RSF1: variants seen among roughly 807,000 people sequenced by gnomAD.
RSF1 encodes the protein HBV pX-associated protein 8.
A neutral mutation model predicts 145.2 loss-of-function variants in RSF1; 13 were observed. That is an observed-to-expected ratio of 0.09 (90% CI 0.06 to 0.14). RSF1 has a LOEUF of 0.14. RSF1 is among the 10% of genes least tolerant of loss of function. RSF1 has a pLI of 1.00. For synonymous variants in RSF1, 577 were observed against 592.6 expected (o/e 0.97, Z 0.38); for missense variants, 1,517 against 1,718.2 (o/e 0.88, Z 2.07).
the RSF1 span, among the ~76,000 whole-genome samples, chr11:77,856,283 CT>C: frequency 2.2e-4 from 34 of 152,316 alleles, no homozygotes; most frequent in Non-Finnish European, 4.4e-4. Flanking sequence ...TCTCCGAGAC[CT>C]TCTCAGCCTG....
chr11:77,701,464 C>T lies in RSF1; in HGVS notation c.1765G>A (p.Glu589Lys). The T allele has an allele frequency of 6.2e-7, 1 of 1,614,106 alleles. No individual in the cohort carries two copies. Among genetic ancestry groups the T allele is most frequent in the Non-Finnish European group, 8.5e-7 (1 of 1,180,014 alleles). The change falls in exon 6 of 16, where the codon GAG becomes AAG. Residue 589 changes from glutamate (E) to lysine (K), a missense_variant. Glu to Lys is a moderately conservative substitution (Grantham distance 56). This residue lies in a region of RSF1 where 579 missense variants were observed against 553.5 expected (regional missense o/e 1.05). Transcript: ENST00000308488. ...PPILECLEKL[E>K]KSKKTFLDKD... ...TCAAGAAAAGTCTTTTTGGACTTCT[C>T]TAACTTTTCAAGACATTCTAGGATT...
chr11:77,691,820 T>C (rs187138849), intron 8 of RSF1: 6 of 152,286 alleles, frequency 3.9e-5, no homozygotes, highest in African/African-American at 1.2e-4. Context: ...AGCTGAAAAA[T>C]GTACTTGATA....
chr11:77,789,513 G>C (rs1412494537), intron 1 of RSF1, among the ~76,000 whole-genome samples: 1 of 152,204 alleles, frequency 6.6e-6, no homozygotes, highest in Non-Finnish European at 1.5e-5. Context: ...GCATGAGCAA[G>C]TGGCAGGCCA....
chr11:77,748,584 G>A (rs1948027980), intron 2 of RSF1, among the ~76,000 whole-genome samples: 1 of 152,072 alleles, frequency 6.6e-6, no homozygotes, highest in African/African-American at 2.4e-5. Flanking sequence ...ATTACATGAG[G>A]AAGACCCTAA....
At chr11:77,673,872 G>A (rs938041336) in intron 14 of RSF1, among the ~76,000 whole-genome samples, 1 of 151,988 alleles carries the variant, frequency 6.6e-6, no homozygotes, top group African/African-American at 2.4e-5. Flanking sequence ...CAACTAGTAT[G>A]TACTCTTTAA....
intron 1 of RSF1, among the ~76,000 whole-genome samples, chr11:77,792,665 A>T (rs1373730199): frequency 6.6e-6 from 1 of 152,108 alleles, no homozygotes; most frequent in African/African-American, 2.4e-5. Flanking sequence ...AGATTACATT[A>T]TCATATATGC....
At chr11:77,818,064 T>C (rs1028165228) in intron 1 of RSF1, among the ~76,000 whole-genome samples, 18 of 152,190 alleles carry the variant, frequency 1.2e-4, no homozygotes, top group African/African-American at 4.3e-4. Context: ...AAGATCACCT[T>C]ATGATAGGAT....
At chr11:77,759,769 T>C (rs1948153016) in intron 2 of RSF1, among the ~76,000 whole-genome samples, 1 of 152,016 alleles carries the variant, frequency 6.6e-6, no homozygotes, top group South Asian at 2.1e-4. Flanking sequence ...CAATCCTTGC[T>C]TCACCATCTG....
intron 1 of RSF1, among the ~76,000 whole-genome samples, chr11:77,772,846 T>TG (rs1489071693): frequency 5.8e-5 from 3 of 51,808 alleles, no homozygotes; most frequent in African/African-American, 7.7e-5. Context: ...TTGCCCAAGA[T>TG]GGAAAAAAAA....
intron 2 of RSF1, among the ~76,000 whole-genome samples, chr11:77,755,761 G>A (rs1463498665): frequency 1.3e-5 from 2 of 151,996 alleles, no homozygotes; most frequent in African/African-American, 2.4e-5. Context: ...TGTATTTTTA[G>A]TAGAGATGGG....
intron 5 of RSF1, among the ~76,000 whole-genome samples, chr11:77,715,730 G>A (rs927140509): frequency 6.6e-6 from 1 of 152,148 alleles, no homozygotes; most frequent in African/African-American, 2.4e-5. Context: ...TTACAGGCGT[G>A]AGCCACCACA....
intron 1 of RSF1, among the ~76,000 whole-genome samples, chr11:77,770,700 A>C (rs541945061): frequency 2.0e-5 from 3 of 152,306 alleles, no homozygotes; most frequent in African/African-American, 7.2e-5. Context: ...AAACTAGAAA[A>C]TTTTATCTGC....
intron 5 of RSF1, among the ~76,000 whole-genome samples, chr11:77,719,080 C>T (rs1960885965): frequency 6.6e-6 from 1 of 151,950 alleles, no homozygotes; most frequent in Non-Finnish European, 1.5e-5. Context: ...GACCCTGTCT[C>T]TACAAAAAAT....
chr11:77,674,210 A>G (rs1421660898), intron 14 of RSF1, among the ~76,000 whole-genome samples: 1 of 151,894 alleles, frequency 6.6e-6, no homozygotes, highest in Non-Finnish European at 1.5e-5. Context: ...AAATAAAACC[A>G]AAAAAAACCC....
chr11:77,842,399 A>G, the RSF1 span: 1 of 1,303,450 alleles, frequency 7.7e-7, no homozygotes, highest in Non-Finnish European at 1.1e-6. Flanking sequence ...ATGGAGAATC[A>G]GGGCTTAGTA....
At chr11:77,869,638 T>C in the RSF1 span, 1 of 1,336,734 alleles carries the variant, frequency 7.5e-7, no homozygotes, top group Non-Finnish European at 1.1e-6. Context: ...TAGACATTTC[T>C]TGAATGAATG....
At chr11:77,785,870 G>A (rs1232268762) in intron 1 of RSF1, among the ~76,000 whole-genome samples, 3 of 134,582 alleles carry the variant, frequency 2.2e-5, no homozygotes, top group African/African-American at 5.6e-5. Context: ...AGCTTGCAGC[G>A]AGCCGAGATC....
At chr11:77,776,147 C>T (rs1246972164) in intron 1 of RSF1, among the ~76,000 whole-genome samples, 1 of 152,056 alleles carries the variant, frequency 6.6e-6, no homozygotes, top group Non-Finnish European at 1.5e-5. Flanking sequence ...CCCAGGACTT[C>T]AAGGCTGTAG....
Position 77,667,166 on chromosome 11 carries a change from G to C in RSF1, c.4077C>G (p.Ser1359Arg), listed in dbSNP as rs1011445598. Residue 1359 changes from serine to arginine, a missense_variant, in exon 16 of 16, where the codon AGC becomes AGG. Ser to Arg is a moderately radical substitution (Grantham distance 110, BLOSUM62 -1). Transcript: ENST00000308488. ...EDFENVGKVG[S>R]PLDYSLVDLP... Reference sequence around the variant, plus strand: ...AGTCCACTAAGCTATAGTCCAATGGGCTCCCCACTTTGCCTACATTTTCAA... The same window carrying C: ...AGTCCACTAAGCTATAGTCCAATGGCCTCCCCACTTTGCCTACATTTTCAA... 6.2e-7 allele frequency: 1 copy of C among 1,614,042 alleles called. No individual in the cohort carries two copies. The highest frequency in any genetic ancestry group is 8.5e-7 in the Non-Finnish European group (1 of 1,180,020).
Sources: gnomAD v4.1 joint callset for allele counts (sites outside exome capture counted in the v4.1 genomes callset) on GRCh38, gnomAD v4.1.1 for gene constraint, gnomAD v4.1.1 regional missense constraint, MANE v1.5 for transcripts, NCBI Gene and HGNC (gene_info 2026-07-23, HGNC 2026-07-21) for gene names.